KIAA1217: variants seen among roughly 807,000 people sequenced by gnomAD.
KIAA1217 encodes sickle tail protein homolog.
A neutral mutation model predicts 163.9 loss-of-function variants in KIAA1217; 88 were observed. That is an observed-to-expected ratio of 0.54 (90% CI 0.45 to 0.64). The LOEUF is 0.64. KIAA1217 is among the 30% of genes least tolerant of loss of function. KIAA1217 has a pLI of 0.00. For missense variants in KIAA1217, 2,372 were observed against 2,475.0 expected (o/e 0.96, Z 0.88); for synonymous variants, 903 against 923.1 (o/e 0.98, Z 0.39).
At chr10:23,962,518 A>G (rs1844858188) in intron 1 of KIAA1217, among the ~76,000 whole-genome samples, 2 of 152,184 alleles carry the variant, frequency 1.3e-5, no homozygotes, top group African/African-American at 2.4e-5. Flanking sequence ...CTCTTGGTCT[A>G]TTTCAGTATT....
At chr10:24,379,883 C>T (rs150884473) in intron 2 of KIAA1217, among the ~76,000 whole-genome samples, 382 of 152,148 alleles carry the variant, frequency 2.5e-3, no homozygotes, top group African/African-American at 8.7e-3. Flanking sequence ...AAAACCCCAT[C>T]TCTACTAAAA....
chr10:24,273,003 C>G (rs948945373), intron 2 of KIAA1217, among the ~76,000 whole-genome samples: 1 of 152,076 alleles, frequency 6.6e-6, no homozygotes, highest in Non-Finnish European at 1.5e-5. Context: ...AAGTCTGTGC[C>G]CTTCTGCGCC....
intron 1 of KIAA1217, among the ~76,000 whole-genome samples, chr10:23,842,984 G>C (rs1017891099): frequency 7.2e-5 from 11 of 152,134 alleles, no homozygotes; most frequent in Non-Finnish European, 1.5e-4. Context: ...GGTTTTGAGA[G>C]TATTTCTAAA....
chr10:24,393,849 C>T (rs2055336946), intron 3 of KIAA1217, among the ~76,000 whole-genome samples: 1 of 152,138 alleles, frequency 6.6e-6, no homozygotes, highest in Non-Finnish European at 1.5e-5. Flanking sequence ...TTGTTTAAGC[C>T]CCTTAGCACA....
At chr10:23,934,597 ATATATATATG>A (rs1843429074) in intron 1 of KIAA1217, among the ~76,000 whole-genome samples, 1 of 82,184 alleles carries the variant, frequency 1.2e-5, no homozygotes, top group African/African-American at 1.2e-4. Flanking sequence ...ATATGTATAT[ATATATATATG>A]TATATATATA....
rs570703561 is a variant in KIAA1217, at chr10:24,459,648, C to T, written c.847-13580C>T. Among the ~76,000 whole-genome samples the T allele has an allele frequency of 6.6e-5, 10 of 151,982 alleles. No individual in the cohort carries two copies. The South Asian group carries it at 1.2e-3, about 19-fold the overall frequency. On this transcript the variant is annotated intron_variant, in intron 5 of 20. Transcript: ENST00000376454. The stretch of plus-strand genomic sequence containing the variant: ...GATAAAGAAAGGGATGTTGACCAGG[C>T]GTGATGGTTGACGCTTGTAATCCTA...
At chr10:24,231,067 G>A (rs2071339286) in intron 2 of KIAA1217, among the ~76,000 whole-genome samples, 2 of 152,244 alleles carry the variant, frequency 1.3e-5, no homozygotes, top group Admixed American at 1.3e-4. Flanking sequence ...GTCAGTAAGT[G>A]TGAATGAGAT....
At chr10:23,991,424 T>C (rs1846213395) in intron 1 of KIAA1217, among the ~76,000 whole-genome samples, 2 of 152,122 alleles carry the variant, frequency 1.3e-5, no homozygotes, top group African/African-American at 4.8e-5. Context: ...CAAGCCAAGG[T>C]CCTGAAGGAG....
chr10:23,876,586 C>A (rs955992083), intron 1 of KIAA1217, among the ~76,000 whole-genome samples: 1 of 151,894 alleles, frequency 6.6e-6, no homozygotes, highest in South Asian at 2.1e-4. Flanking sequence ...GCTTCAGGGT[C>A]AATTTTACTG....
chr10:24,211,619 T>C (rs1177794051), intron 1 of KIAA1217, among the ~76,000 whole-genome samples: 1 of 151,082 alleles, frequency 6.6e-6, no homozygotes, highest in African/African-American at 2.4e-5. Flanking sequence ...AGAAGGGGTC[T>C]TGCTATGTTG....
upstream of KIAA1217, chr10:24,209,020 AG>A: frequency 1.7e-6 from 1 of 598,536 alleles, no homozygotes; most frequent in Non-Finnish European, 3.0e-6. Context: ...GCTGGAATGC[AG>A]TTTTCTCGGG....
At chr10:23,722,316 G>A (rs112203749) in intron 1 of KIAA1217, among the ~76,000 whole-genome samples, 35 of 152,208 alleles carry the variant, frequency 2.3e-4, no homozygotes, top group African/African-American at 8.2e-4. Flanking sequence ...CAATAAGAAT[G>A]TACTTGAAGC....
chr10:24,026,742 A>ATTTTTTTTTTTTTTTTTTTTTTCTTTTTT, intron 2 of KIAA1217, among the ~76,000 whole-genome samples: 1 of 70,094 alleles, frequency 1.4e-5, no homozygotes, highest in Non-Finnish European at 2.7e-5. Context: ...TATTTCATTG[A>ATTTTTTTTTTTTTTTTTTTTTTCTTTTTT]TTTTTTTTTT....
intron 2 of KIAA1217, among the ~76,000 whole-genome samples, chr10:24,079,844 C>A (rs769198342): frequency 6.6e-6 from 1 of 152,184 alleles, no homozygotes; most frequent in Non-Finnish European, 1.5e-5. Context: ...GTAACAGTTT[C>A]TTCTGAAAAT....
intron 2 of KIAA1217, among the ~76,000 whole-genome samples, chr10:24,140,933 C>G (rs1361177056): frequency 6.6e-6 from 1 of 152,094 alleles, no homozygotes; most frequent in South Asian, 2.1e-4. Flanking sequence ...AATTATGGTG[C>G]AAGTCCTGTT....
At chr10:24,024,593 A>G (rs923950569) in intron 2 of KIAA1217, among the ~76,000 whole-genome samples, 2 of 151,686 alleles carry the variant, frequency 1.3e-5, no homozygotes, top group Non-Finnish European at 3.0e-5. Context: ...TAGTTGTAGA[A>G]TTGCTGGGTC....
chr10:24,036,722 G>A (rs992335137), intron 2 of KIAA1217, among the ~76,000 whole-genome samples: 2 of 151,970 alleles, frequency 1.3e-5, no homozygotes, highest in African/African-American at 4.8e-5. Context: ...GATCTCACGT[G>A]GACTAATAAA....
chr10:24,013,926 A>G lies in KIAA1217; in HGVS notation c.-171+6552A>G, dbSNP rs142992793. On this transcript the variant is annotated intron_variant, in intron 2 of 18. Coordinates refer to the KIAA1217 transcript ENST00000376462. ...GACGCCAAGAGCCAGCACCTTAGAC[A>G]GTGCTCTTAATTGTGGGATGTGTCA... is the stretch of plus-strand genomic sequence containing the variant. Among the ~76,000 whole-genome samples the G allele has an allele frequency of 8.9e-3, 1,358 of 152,268 alleles. 24 individuals carry two copies. Among genetic ancestry groups the G allele is most frequent in the African/African-American group, 0.031 (1,297 of 41,546 alleles).
In KIAA1217 at chr10:24,494,613, G is replaced by A. The variant is rs1255513319; in HGVS notation, c.1784+9G>A. On this transcript the variant is annotated intron_variant, in intron 7 of 20. Transcript: ENST00000376454. ...AGCAAAGATGCGTCTAGGTAAAAAAGAAGAAAGCCAATGAAAAAAATAATT... is the reference window on the plus strand; with the variant it reads ...AGCAAAGATGCGTCTAGGTAAAAAAAAAGAAAGCCAATGAAAAAAATAATT... 2 of 1,539,732 alleles carry A rather than the reference G, an allele frequency of 1.3e-6. No individual in the cohort carries two copies. The highest frequency in any genetic ancestry group is 1.8e-6 in the Non-Finnish European group (2 of 1,121,194).
Sources: allele counts gnomAD v4.1 joint callset (sites outside exome capture counted in the v4.1 genomes callset), GRCh38; gene constraint gnomAD v4.1.1; transcripts MANE v1.5; gene names NCBI Gene and HGNC (gene_info 2026-07-23, HGNC 2026-07-21).